FAM184A: variants seen among roughly 807,000 people sequenced by gnomAD.
The protein encoded by FAM184A is family with sequence similarity 184 member A.
Under a neutral mutation model 143.8 loss-of-function variants are expected in FAM184A, and 99 were observed. The observed-to-expected ratio is 0.69, with a 90% CI of 0.58 to 0.81. FAM184A has a LOEUF of 0.81. Among genes scored for constraint, FAM184A ranks in the 40% least tolerant of loss-of-function variants. FAM184A has a pLI of 0.00. For missense variants in FAM184A, 1,217 were observed against 1,310.5 expected, an observed-to-expected ratio of 0.93 and a Z score of 1.10; for synonymous variants, 427 against 446.4, an observed-to-expected ratio of 0.96 and a Z score of 0.55.
chr6:119,010,787 T>A (rs1785064361), intron 6 of FAM184A, among the ~76,000 whole-genome samples: 1 of 152,196 alleles, frequency 6.6e-6, no homozygotes, highest in South Asian at 2.1e-4. Flanking sequence ...TTATTTATAT[T>A]CATATCCATG....
At chr6:119,077,974 G>T (rs576999751) in intron 1 of FAM184A, among the ~76,000 whole-genome samples, 167 bp downstream of exon 1, 1 of 152,254 alleles carries the variant, frequency 6.6e-6, no homozygotes, top group Non-Finnish European at 1.5e-5. Flanking sequence ...TGTTGCCAGC[G>T]TTCCACCAAA....
chr6:119,019,865 G>A (rs1183137738), intron 4 of FAM184A, 113 bp downstream of exon 4: 1 of 933,660 alleles, frequency 1.1e-6, no homozygotes, highest in Non-Finnish European at 1.6e-6. Context: ...AACTACTAAA[G>A]TAGGAAATGT....
intron 1 of FAM184A, among the ~76,000 whole-genome samples, chr6:119,091,597 C>T (rs1788370284): frequency 6.6e-6 from 1 of 152,076 alleles, no homozygotes; most frequent in Non-Finnish European, 1.5e-5. Flanking sequence ...CAGGTAACAA[C>T]GTTAGTAAAT....
At chr6:119,069,838 A>G (rs1258867369) in intron 1 of FAM184A, among the ~76,000 whole-genome samples, 1 of 152,170 alleles carries the variant, frequency 6.6e-6, no homozygotes, top group Non-Finnish European at 1.5e-5. Flanking sequence ...TTCTCTAATA[A>G]TTTCGCATAA....
intron 1 of FAM184A, among the ~76,000 whole-genome samples, chr6:119,039,220 T>C (rs1193296131): frequency 6.6e-6 from 1 of 152,212 alleles, no homozygotes; most frequent in Non-Finnish European, 1.5e-5. Context: ...TGTAGACATT[T>C]TGGAAGATAG....
At chr6:118,969,215 G>A (rs1192182471) in intron 14 of FAM184A, among the ~76,000 whole-genome samples, 1 of 152,142 alleles carries the variant, frequency 6.6e-6, no homozygotes, top group Non-Finnish European at 1.5e-5. Context: ...GGCCTCTCCA[G>A]CCATGCTGAA....
chr6:119,117,347 A>G (rs1230384960), intron 1 of FAM184A, among the ~76,000 whole-genome samples: 1 of 152,226 alleles, frequency 6.6e-6, no homozygotes, highest in African/African-American at 2.4e-5. Flanking sequence ...AGGGAAGAAG[A>G]AATAGTGAGA....
chr6:119,014,676 A>T (rs1436207568), intron 5 of FAM184A, among the ~76,000 whole-genome samples: 1 of 152,196 alleles, frequency 6.6e-6, no homozygotes, highest in African/African-American at 2.4e-5. Context: ...AAATAAATTC[A>T]ATAAGCTATA....
intron 1 of FAM184A, among the ~76,000 whole-genome samples, chr6:119,025,255 A>T (rs1582520584): frequency 6.6e-6 from 1 of 152,176 alleles, no homozygotes; most frequent in Non-Finnish European, 1.5e-5. Flanking sequence ...GAGGCTTCAC[A>T]TGAAGAGAAG....
chr6:119,018,693 T>C (rs1785346953), intron 4 of FAM184A, among the ~76,000 whole-genome samples: 1 of 152,142 alleles, frequency 6.6e-6, no homozygotes, highest in Non-Finnish European at 1.5e-5. Flanking sequence ...AAATCAGAGA[T>C]TGCTGCTAGG....
At chr6:118,979,551 G>C in intron 10 of FAM184A, 33 bp from the exon 11 acceptor site, 1 of 1,508,162 alleles carries the variant, frequency 6.6e-7, no homozygotes, top group Non-Finnish European at 8.9e-7. Context: ...TATTATGCTA[G>C]AATATAGGAA....
intron 1 of FAM184A, among the ~76,000 whole-genome samples, chr6:119,038,673 G>C (rs753460809): frequency 4.6e-5 from 7 of 152,086 alleles, no homozygotes; most frequent in Admixed American, 4.6e-4. Flanking sequence ...CAGCCCTCAG[G>C]GCTGCTCTGT....
At chr6:119,110,100 C>G (rs1360132015) in intron 1 of FAM184A, among the ~76,000 whole-genome samples, 1 of 152,152 alleles carries the variant, frequency 6.6e-6, no homozygotes, top group East Asian at 1.9e-4. Context: ...TCTCGCATAA[C>G]AGGAAGTGAG....
rs540145357 is a variant in FAM184A, at chr6:119,021,593, T to C, written c.1150+1352A>G. On this transcript the variant is annotated intron_variant, in intron 3 of 17. Transcript: ENST00000338891. ...TACTGGGAAGGCTAAGGCAAGAGGA[T>C]TACTTAAGCCCAGGAGTTTTAGGCT... is the stretch of plus-strand genomic sequence containing the variant. 3.3e-5 allele frequency among the ~76,000 whole-genome samples: 5 copies of C among 152,230 alleles called. No individual in the cohort carries two copies. In the East Asian group the frequency reaches 9.6e-4, roughly 29 times the overall value.
At chr6:119,001,607 C>G (rs189015422) in intron 9 of FAM184A, among the ~76,000 whole-genome samples, 1 of 152,128 alleles carries the variant, frequency 6.6e-6, no homozygotes, top group African/African-American at 2.4e-5. Context: ...TGGCATCTGA[C>G]AAACTAATAC....
chr6:119,062,651 C>A (rs1477526010), intron 1 of FAM184A, among the ~76,000 whole-genome samples: 1 of 151,986 alleles, frequency 6.6e-6, no homozygotes, highest in Non-Finnish European at 1.5e-5. Flanking sequence ...CAGAGAGAGA[C>A]CCTATCTCAA....
chr6:119,078,284 T>G lies in FAM184A; in HGVS notation c.16A>C (p.Met6Leu). 6.6e-7 allele frequency: 1 copy of G among 1,504,146 alleles called. No homozygotes were observed. The highest frequency in any genetic ancestry group is 1.4e-5 in the African/African-American group (1 of 70,552). The allele number at this position is 1,504,146 out of a possible 1,614,324, so 93.2% of individuals were successfully genotyped here. A position where few individuals can be genotyped will look rare whatever the true frequency, so the allele number is the denominator to read the frequency against. Reference protein sequence around the residue: MATPGMSWQQHYYGGS... With the variant: MATPGLSWQQHYYGGS... ...CCGTAATAGTGCTGCTGCCAGCTCA[T>G]GCCCGGGGTCGCCATCTTCCCAACA... The change falls in exon 1 of 18, where the codon ATG (methionine) becomes CTG (leucine). Residue 6 changes from methionine to leucine, a missense_variant. Coordinates refer to ENST00000338891, the MANE Select transcript of FAM184A (RefSeq NM_024581.6). The surrounding 1 kb of genome is among the most constrained non-coding windows in gnomAD (Gnocchi z 5.5).
intron 1 of FAM184A, among the ~76,000 whole-genome samples, chr6:119,145,014 C>T (rs116487334): frequency 1.2e-3 from 190 of 152,342 alleles, no homozygotes; most frequent in African/African-American, 4.2e-3. Context: ...GTCTGGCTCT[C>T]CAGGTCCACT....
chr6:118,977,649 A>G (rs1444012275), intron 11 of FAM184A, among the ~76,000 whole-genome samples: 1 of 152,150 alleles, frequency 6.6e-6, no homozygotes, highest in Non-Finnish European at 1.5e-5. Context: ...ACCTGACAAA[A>G]TCATAGAAAT....
Sources: gnomAD v4.1 joint callset for allele counts (sites outside exome capture counted in the v4.1 genomes callset) on GRCh38, gnomAD v4.1.1 for gene constraint, Gnocchi (gnomAD v3.1) non-coding constraint, MANE v1.5 for transcripts, NCBI Gene and HGNC (gene_info 2026-07-23, HGNC 2026-07-21) for gene names.